The following PDE9A variants were observed in gnomAD, a reference collection of about 807,000 sequenced individuals.
The protein encoded by PDE9A is phosphodiesterase 9A, also known as high affinity cGMP-specific 3',5'-cyclic phosphodiesterase 9A.
Under a neutral mutation model 87.4 loss-of-function variants are expected in PDE9A, and 60 were observed. The observed-to-expected ratio is 0.69, with a 90% CI of 0.56 to 0.85. PDE9A has a LOEUF of 0.85. Ranked by LOEUF, PDE9A falls within the 40% of genes least tolerant of loss-of-function variation. The pLI, the probability that PDE9A is intolerant of heterozygous loss-of-function variation, is 0.00. For synonymous variants in PDE9A, 272 were observed against 279.4 expected, an observed-to-expected ratio of 0.97 and a Z score of 0.27; for missense variants, 665 against 779.0, an observed-to-expected ratio of 0.85 and a Z score of 1.74.
intron 1 of PDE9A, among the ~76,000 whole-genome samples, chr21:42,669,913 G>C (rs1270918116): frequency 6.6e-6 from 1 of 152,194 alleles, no homozygotes; most frequent in Non-Finnish European, 1.5e-5. Flanking sequence ...GTGCCTTCTA[G>C]AGAGAGGCCA....
chr21:42,740,701 G>GTAA (rs2053103862), intron 7 of PDE9A, among the ~76,000 whole-genome samples: 2 of 122,616 alleles, frequency 1.6e-5, no homozygotes, highest in South Asian at 2.8e-4. Flanking sequence ...AGGTAGGTAG[G>GTAA]TAGTAGATAG....
Position 42,733,294 on chromosome 21 carries a change from C to T in PDE9A, c.498-62C>T, listed in dbSNP as rs1323552272. On this transcript the variant is annotated intron_variant, in intron 6 of 19. Transcript: ENST00000291539. ...GGGACTCAGTAGGTGTTTGCTTAAC[C>T]GGTTTTGGCTCTGAGAATTTTAAGG... The T allele has an allele frequency of 2.2e-5, 21 of 967,200 alleles. No homozygotes were observed. In the Admixed American group the frequency reaches 2.5e-4, roughly 12 times the overall value. The allele number at this position is 967,200 out of a possible 1,614,324, so 59.9% of individuals were successfully genotyped here.
chr21:42,757,407 C>T (rs1475211208), intron 10 of PDE9A: 2 of 152,236 alleles, frequency 1.3e-5, no homozygotes, highest in African/African-American at 4.8e-5. Context: ...CTTCGATTTA[C>T]AAAAACTCGC....
chr21:42,681,322 G>A (rs1168555924), intron 1 of PDE9A, among the ~76,000 whole-genome samples: 1 of 152,222 alleles, frequency 6.6e-6, no homozygotes, highest in Non-Finnish European at 1.5e-5. Context: ...AGGCTCTTTT[G>A]GATATAGACA....
Position 42,659,115 on chromosome 21 carries a change from G to C in PDE9A, c.69+5232G>C, listed in dbSNP as rs573980051. ...AGGTGCTGTCTCGGAGAGGGCACAG[G>C]AAACTGGGCCCTTCCCAATTTTAGC... On this transcript the variant is annotated intron_variant, in intron 1 of 19. Transcript: ENST00000291539. The surrounding 1 kb of genome is among the most constrained non-coding windows in gnomAD (Gnocchi z 4.1). Among the ~76,000 whole-genome samples, 2 of 152,334 alleles carry C rather than the reference G, an allele frequency of 1.3e-5. No individual in the cohort carries two copies. The highest frequency in any genetic ancestry group is 3.9e-4 in the East Asian group (2 of 5,186).
chr21:42,709,217 C>A (rs1888669525), intron 4 of PDE9A, among the ~76,000 whole-genome samples: 1 of 152,168 alleles, frequency 6.6e-6, no homozygotes, highest in Non-Finnish European at 1.5e-5. Context: ...AAACCAAACA[C>A]CACATGTTCT....
At chr21:42,711,195 C>T (rs1015007094) in intron 4 of PDE9A, among the ~76,000 whole-genome samples, 1 of 150,912 alleles carries the variant, frequency 6.6e-6, no homozygotes, top group Non-Finnish European at 1.5e-5. Flanking sequence ...TGGTGAATTC[C>T]ATCCAATGTA....
chr21:42,665,012 T>C (rs766746655), intron 1 of PDE9A, among the ~76,000 whole-genome samples: 1 of 152,370 alleles, frequency 6.6e-6, no homozygotes, highest in Non-Finnish European at 1.5e-5. Flanking sequence ...CATACTGCAT[T>C]GGGATGGGCC....
At chr21:42,756,535 A>G (rs552117908) in intron 10 of PDE9A, among the ~76,000 whole-genome samples, 48 of 152,172 alleles carry the variant, frequency 3.2e-4, no homozygotes, top group African/African-American at 1.1e-3. Context: ...GTGTCCTCCC[A>G]TGTGTTAGGG....
intron 7 of PDE9A, among the ~76,000 whole-genome samples, chr21:42,738,829 G>A (rs1337514744): frequency 1.3e-5 from 2 of 152,152 alleles, no homozygotes; most frequent in Admixed American, 6.5e-5. Context: ...GGAATTACAG[G>A]CAGCCTGTGA....
chr21:42,775,050 T>A (rs1461541279), intron 19 of PDE9A, among the ~76,000 whole-genome samples: 1 of 151,536 alleles, frequency 6.6e-6, no homozygotes, highest in Non-Finnish European at 1.5e-5. Context: ...CAAGCAATTC[T>A]CCTGTCTCAG....
intron 1 of PDE9A, among the ~76,000 whole-genome samples, chr21:42,656,257 G>A (rs1270956709): frequency 1.3e-5 from 2 of 152,190 alleles, no homozygotes; most frequent in African/African-American, 2.4e-5. Flanking sequence ...GTTGCTTTCC[G>A]TCACTGTGTT....
At chr21:42,662,796 A>T (rs566486391) in intron 1 of PDE9A, among the ~76,000 whole-genome samples, 1 of 139,530 alleles carries the variant, frequency 7.2e-6, no homozygotes, top group South Asian at 2.4e-4. Flanking sequence ...CACACCAAGC[A>T]CACACACACC....
chr21:42,750,417 T>C (rs1369162224), intron 8 of PDE9A, among the ~76,000 whole-genome samples: 4 of 152,160 alleles, frequency 2.6e-5, no homozygotes, highest in African/African-American at 9.6e-5. Context: ...AGTATGGGAT[T>C]TAGGGAAATA....
chr21:42,697,793 C>T (rs1306280450), intron 3 of PDE9A, among the ~76,000 whole-genome samples: 3 of 152,228 alleles, frequency 2.0e-5, no homozygotes, highest in South Asian at 4.1e-4. Flanking sequence ...ACCCAATCAC[C>T]TCCCAAGGCC....
chr21:42,668,895 T>TCCTC (rs1229611821), intron 1 of PDE9A, among the ~76,000 whole-genome samples: 1 of 99,634 alleles, frequency 1.0e-5, no homozygotes, highest in African/African-American at 5.6e-5. Context: ...AGCTGCTCCC[T>TCCTC]CCACCCCCCG....
chr21:42,753,930 T>G, intron 9 of PDE9A, 60 bp from the exon 10 acceptor site: 1 of 813,674 alleles, frequency 1.2e-6, no homozygotes, highest in Non-Finnish European at 2.1e-6. Context: ...TATCTCAGCA[T>G]GCACATCACT....
chr21:42,706,738 A>T (rs1271338340), intron 4 of PDE9A, among the ~76,000 whole-genome samples: 1 of 151,888 alleles, frequency 6.6e-6, no homozygotes, highest in Non-Finnish European at 1.5e-5. Flanking sequence ...ATTTCCATCA[A>T]CCCAAAAAGA....
chr21:42,696,163 T>C lies in PDE9A; in HGVS notation c.219-2805T>C, dbSNP rs751645340. Among the ~76,000 whole-genome samples, 3 of 152,168 alleles carry C rather than the reference T, an allele frequency of 2.0e-5. No individual in the cohort carries two copies. Among genetic ancestry groups the C allele is most frequent in the Non-Finnish European group, 2.9e-5 (2 of 68,014 alleles). ...GGTGGATGAGCAGGCCCAGTGCCCC[T>C]GTATGAGGGGAAGTTGTCTTGGTAA... On this transcript the variant is annotated intron_variant, in intron 3 of 19. Transcript: ENST00000291539. This position sits in a 1 kb window ranked among gnomAD's most constrained non-coding sequence, Gnocchi z 5.1.
Sources: allele counts gnomAD v4.1 joint callset (sites outside exome capture counted in the v4.1 genomes callset), GRCh38; gene constraint gnomAD v4.1.1; non-coding constraint Gnocchi (gnomAD v3.1); transcripts MANE v1.5; gene names NCBI Gene and HGNC (gene_info 2026-07-23, HGNC 2026-07-21).